MYEF2: variants seen among roughly 807,000 people sequenced by gnomAD.
The protein encoded by MYEF2 is myelin expression factor 2.
A neutral mutation model predicts 75.2 loss-of-function variants in MYEF2; 37 were observed. The observed-to-expected ratio is 0.49, with a 90% CI of 0.38 to 0.65. The LOEUF (loss-of-function observed/expected upper bound fraction) is 0.65. Among genes scored for constraint, MYEF2 ranks in the 30% least tolerant of loss-of-function variants. MYEF2 has a pLI of 0.00. For synonymous variants in MYEF2, 195 were observed against 241.6 expected, an observed-to-expected ratio of 0.81 and a Z score of 1.79; for missense variants, 634 against 771.4, an observed-to-expected ratio of 0.82 and a Z score of 2.11.
Position 48,153,857 on chromosome 15 carries a change from C to T in MYEF2, c.1022G>A (p.Gly341Asp), listed in dbSNP as rs1186435149. Residue 341 changes from glycine (G) to aspartate (D), a missense_variant, in exon 10 of 17, where the codon GGT (glycine) becomes GAT (aspartate). By Grantham distance (94) the Gly-to-Asp change is moderately conservative. Coordinates refer to ENST00000324324, the MANE Select transcript of MYEF2 (RefSeq NM_016132.5). ...CTGGCTGGCACTAATAGGCTGTCCA[C>T]CCGGACCAAGTCCCATCCCAATGCC... The part of the protein sequence containing the change: ...LGGIGMGLGP[G>D]GQPISASQLN... 7 of 1,613,372 alleles carry T rather than the reference C, an allele frequency of 4.3e-6. No individual in the cohort carries two copies. In the South Asian group the frequency reaches 5.5e-5, roughly 13 times the overall value.
intron 9 of MYEF2, among the ~76,000 whole-genome samples, chr15:48,156,791 C>G (rs2039714954): frequency 6.6e-6 from 1 of 151,068 alleles, no homozygotes; most frequent in African/African-American, 2.4e-5. Flanking sequence ...AAAAAAAAAG[C>G]AAGTTACATA....
At position 48,141,912 on chromosome 15, in the gene MYEF2, CAAT is replaced by C. The variant is rs763046992; in HGVS notation, c.*993_*995del. 2 of 759,120 alleles carry C rather than the reference CAAT, an allele frequency of 2.6e-6. No individual in the cohort carries two copies. The highest frequency in any genetic ancestry group is 4.0e-6 in the Non-Finnish European group (2 of 497,858). 47.0% of individuals were successfully genotyped at this position (759,120 alleles called of 1,614,324 possible). A position where few individuals can be genotyped will look rare whatever the true frequency, so the allele number is the denominator to read the frequency against. On this transcript the variant is annotated 3_prime_UTR_variant, in exon 17 of 17. Coordinates refer to ENST00000324324, the MANE Select transcript of MYEF2 (RefSeq NM_016132.5). The stretch of plus-strand genomic sequence containing the variant: ...TTCAGTAAGACTTTTGCTCTAACAA[CAAT>C]TTTTCAAAACGAATCAACAACAAAA...
Position 48,141,268 on chromosome 15 carries a change from T to A in MYEF2, c.*1640A>T, listed in dbSNP as rs1221498270. 4 of 1,381,594 alleles carry A rather than the reference T, an allele frequency of 2.9e-6. No individual in the cohort carries two copies. Among genetic ancestry groups the A allele is most frequent in the African/African-American group, 1.4e-5 (1 of 69,750 alleles). The allele number at this position is 1,381,594 out of a possible 1,614,324, so 85.6% of individuals were successfully genotyped here. A position where few individuals can be genotyped will look rare whatever the true frequency, so the allele number is the denominator to read the frequency against. On this transcript the variant is annotated 3_prime_UTR_variant, in exon 17 of 17. Coordinates refer to ENST00000324324, the MANE Select transcript of MYEF2 (RefSeq NM_016132.5). ...GGTCATTCTACAAGGCTAGAATGAGTAAAAGTAGCTTTAAAAATGTTTACT... is the reference window on the plus strand; with the variant it reads ...GGTCATTCTACAAGGCTAGAATGAGAAAAAGTAGCTTTAAAAATGTTTACT...
intron 1 of MYEF2, among the ~76,000 whole-genome samples, chr15:48,172,264 G>C (rs1232271902): frequency 6.6e-6 from 1 of 152,128 alleles, no homozygotes; most frequent in Non-Finnish European, 1.5e-5. Context: ...GCCAGACGTA[G>C]TGATGCATGC....
At position 48,158,379 on chromosome 15, in the gene MYEF2, AT is replaced by A. The variant is rs558076166; in HGVS notation, c.872-156del. 2.0e-4 allele frequency among the ~76,000 whole-genome samples: 30 copies of A among 152,294 alleles called. No homozygotes were observed. In the East Asian group the frequency reaches 5.8e-3, roughly 29 times the overall value. Reference sequence around the variant, plus strand: ...TAGCCACTTTCATATACTCAAAAAAATATTCAATTCTTTGCTTTACGGTTTT... The same window carrying A: ...TAGCCACTTTCATATACTCAAAAAAAATTCAATTCTTTGCTTTACGGTTTT... On this transcript the variant is annotated intron_variant, in intron 7 of 16. Transcript: ENST00000324324.
rs1567243496 is a variant in MYEF2 at position 48,149,061 on chromosome 15, TGC to T, written c.1608_1609del (p.Trp536Ter). ...CTGACTGAATTTCTCTTTTAGTTTC[TGC>T]CAAGTCAAGTCAAAAGGTAGCTAGA... On this transcript the variant is annotated stop_gained and frameshift_variant, in exon 16 of 17. Coordinates refer to ENST00000324324, the MANE Select transcript of MYEF2 (RefSeq NM_016132.5). LOFTEE classifies it high-confidence loss of function. The surrounding 1 kb of genome is among the most constrained non-coding windows in gnomAD (Gnocchi z 4.0). The T allele has an allele frequency of 6.2e-7, 1 of 1,613,208 alleles. No individual in the cohort carries two copies. Among genetic ancestry groups the T allele is most frequent in the Non-Finnish European group, 8.5e-7 (1 of 1,179,316 alleles).
rs184601169 is a variant in MYEF2 at position 48,140,232 on chromosome 15, T to C, written c.*2676A>G. The C allele has an allele frequency of 3.3e-5, 5 of 152,140 alleles. No homozygotes were observed. The highest frequency in any genetic ancestry group is 7.4e-5 in the Non-Finnish European group (5 of 67,954). 9.4% of individuals were successfully genotyped at this position (152,140 alleles called of 1,614,324 possible). Reference sequence around the variant, plus strand: ...ATAGATCACAGAACAGCCCCCAAGATGATAAATATTAGTGTTATTTATGCA... The same window carrying C: ...ATAGATCACAGAACAGCCCCCAAGACGATAAATATTAGTGTTATTTATGCA... On this transcript the variant is annotated 3_prime_UTR_variant, in exon 17 of 17. Transcript: ENST00000324324.
Position 48,151,935 on chromosome 15 carries a change from C to A in MYEF2, c.1146G>T (p.Gly382=). The A allele has an allele frequency of 6.2e-7, 1 of 1,613,464 alleles. No individual in the cohort carries two copies. The highest frequency in any genetic ancestry group is 8.5e-7 in the Non-Finnish European group (1 of 1,179,502). The change falls in exon 12 of 17, where the codon GGG becomes GGT. Residue 382 remains glycine, a synonymous_variant. Transcript: ENST00000324324. ...GGMNRIGGGI[G]FGGLEAMNSM... is the part of the protein sequence containing the mutation. ...TATTCATTGCTTCCAGACCACCAAA[C>A]CCTATTCCTATGGAATAAAGATTAA...
chr15:48,150,390 T>C (rs572801250), intron 14 of MYEF2, among the ~76,000 whole-genome samples: 30 of 152,198 alleles, frequency 2.0e-4, no homozygotes, highest in Middle Eastern at 3.4e-3. Flanking sequence ...TAGAATAGTT[T>C]AAATAGGTTG....
chr15:48,168,819 T>C lies in MYEF2; in HGVS notation c.182A>G (p.Lys61Arg), dbSNP rs371871197. ...TTCCTTTAAGTCAGATTTCTCTTCT[T>C]TTGCTGATTCATCATTCTCCCTGTG... ...GVKMENDESA[K>R]EEKSDLKEKS... Residue 61 changes from lysine to arginine, a missense_variant, in exon 2 of 17, where the codon AAA (lysine) becomes AGA (arginine). Transcript: ENST00000324324. The C allele has an allele frequency of 1.6e-5, 25 of 1,612,720 alleles. No homozygotes were observed. In the African/African-American group the frequency reaches 2.7e-4, roughly 17 times the overall value.
chr15:48,165,061 G>C (rs148967897), intron 5 of MYEF2, among the ~76,000 whole-genome samples: 178 of 152,148 alleles, frequency 1.2e-3, no homozygotes, highest in African/African-American at 3.9e-3. Flanking sequence ...AGCATGTCTA[G>C]ACACCCACTA....
At chr15:48,161,233 T>C (rs1223561134) in intron 5 of MYEF2, among the ~76,000 whole-genome samples, 1 of 152,102 alleles carries the variant, frequency 6.6e-6, no homozygotes. Flanking sequence ...TACTCTTCTT[T>C]TCCCCTTGCT....
intron 16 of MYEF2, 53 bp downstream of exon 16, chr15:48,148,979 C>A: frequency 1.3e-6 from 2 of 1,593,518 alleles, no homozygotes; most frequent in South Asian, 2.2e-5. Context: ...AGTTTAAAAC[C>A]AATTTTCCTC....
At chr15:48,166,820 C>A (rs929787150) in intron 3 of MYEF2, among the ~76,000 whole-genome samples, 1 of 152,000 alleles carries the variant, frequency 6.6e-6, no homozygotes, top group African/African-American at 2.4e-5. Flanking sequence ...ATACTGCATT[C>A]TTATTGCTAA....
chr15:48,157,713 TA>T, intron 9 of MYEF2: 1 of 1,104,688 alleles, frequency 9.1e-7, no homozygotes, highest in Non-Finnish European at 1.1e-6. Flanking sequence ...ATGGTGAAAT[TA>T]CAGAGGACTT....
rs1329143161 is a variant in MYEF2 at position 48,141,508 on chromosome 15, C to T, written c.*1400G>A. On this transcript the variant is annotated 3_prime_UTR_variant, in exon 17 of 17. Transcript: ENST00000324324. ...AGGAGAATTGTTTGAATCCAGGAGG[C>T]GGAGGTTGCAGTGAGCCGAGATTGC... is the stretch of plus-strand genomic sequence containing the variant. The T allele has an allele frequency of 1.9e-5, 4 of 205,714 alleles. No individual in the cohort carries two copies. The highest frequency in any genetic ancestry group is 2.9e-5 in the Non-Finnish European group (3 of 101,798). 12.7% of individuals were successfully genotyped at this position (205,714 alleles called of 1,614,324 possible).
chr15:48,139,201 A>T lies in MYEF2; in HGVS notation c.*3707T>A. 1 of 1,557,362 alleles carries T rather than the reference A, an allele frequency of 6.4e-7. No individual in the cohort carries two copies. Among genetic ancestry groups the T allele is most frequent in the Non-Finnish European group, 8.8e-7 (1 of 1,133,956 alleles). On this transcript the variant is annotated 3_prime_UTR_variant, in exon 17 of 17. Coordinates refer to ENST00000324324, the MANE Select transcript of MYEF2 (RefSeq NM_016132.5). ...GTATGTATTTTAAGTACAATAGCAC[A>T]ACTTGAAAATATTCATATAAGAACA... is the stretch of plus-strand genomic sequence containing the variant.
intron 1 of MYEF2, among the ~76,000 whole-genome samples, chr15:48,173,956 AAATTCTAACAG>A (rs1249140668): frequency 6.6e-6 from 1 of 152,162 alleles, no homozygotes; most frequent in Non-Finnish European, 1.5e-5. Context: ...ATCTCTATCA[AAATTCTAACAG>A]CATTTTTCAC....
At chr15:48,162,385 T>G (rs1309980333) in intron 5 of MYEF2, among the ~76,000 whole-genome samples, 1 of 152,180 alleles carries the variant, frequency 6.6e-6, no homozygotes, top group Non-Finnish European at 1.5e-5. Context: ...CTGATAGCAC[T>G]ATGAGGTAGG....
Sources: allele counts gnomAD v4.1 joint callset (sites outside exome capture counted in the v4.1 genomes callset), GRCh38; gene constraint gnomAD v4.1.1; non-coding constraint Gnocchi (gnomAD v3.1); transcripts MANE v1.5; gene names NCBI Gene and HGNC (gene_info 2026-07-23, HGNC 2026-07-21).